Variants in OPN3 observed in about 807,000 individuals in gnomAD.
OPN3 encodes opsin 3.
Under a neutral mutation model 33.8 loss-of-function variants are expected in OPN3, and 29 were observed. That is an observed-to-expected ratio of 0.86 (90% confidence interval 0.64 to 1.17). OPN3 has a LOEUF of 1.17. Ranked by LOEUF, OPN3 falls within the 50% of genes most tolerant of loss-of-function variation. The pLI, the probability that OPN3 is intolerant of heterozygous loss-of-function variation, is 0.00. For missense variants in OPN3, 437 were observed against 514.1 expected (o/e 0.85, Z 1.45); for synonymous variants, 216 against 216.1 (o/e 1.00, Z 0.00).
chr1:241,628,594 A>C (rs1664492427), intron 1 of OPN3, among the ~76,000 whole-genome samples: 1 of 152,206 alleles, frequency 6.6e-6, no homozygotes, highest in South Asian at 2.1e-4. Context: ...TACTTTAATT[A>C]GTATATGACG....
Position 241,640,012 on chromosome 1 carries a change from G to A in OPN3, c.243C>T (p.Val81=). 2 of 1,613,462 alleles carry A rather than the reference G, an allele frequency of 1.2e-6. No individual in the cohort carries two copies. The highest frequency in any genetic ancestry group is 1.7e-6 in the Non-Finnish European group (2 of 1,179,758). ...RLRTPTHLLL[V]NISLSDLLVS... is the part of the protein sequence containing the mutation. Reference sequence around the variant, plus strand: ...CCAGCAGGTCGCTGAGGCTGATGTTGACCAGGAGGAGGTGAGTGGGAGTGC... The same window carrying A: ...CCAGCAGGTCGCTGAGGCTGATGTTAACCAGGAGGAGGTGAGTGGGAGTGC... Residue 81 remains valine (V), a synonymous_variant, in exon 1 of 4, where the codon GTC becomes GTT. Coordinates refer to ENST00000366554, the MANE Select transcript of OPN3 (RefSeq NM_014322.3).
chr1:241,613,705 C>T (rs912600942), intron 1 of OPN3, among the ~76,000 whole-genome samples: 33 of 152,202 alleles, frequency 2.2e-4, no homozygotes, highest in African/African-American at 7.5e-4. Flanking sequence ...GCTAGAACAA[C>T]CAAAGTGGTA....
chr1:241,622,804 A>G (rs937362346), intron 1 of OPN3, among the ~76,000 whole-genome samples: 1 of 152,148 alleles, frequency 6.6e-6, no homozygotes, highest in African/African-American at 2.4e-5. Flanking sequence ...CCCTTTAAGG[A>G]GCAAGTAAGT....
intron 1 of OPN3, among the ~76,000 whole-genome samples, chr1:241,620,377 A>G (rs1283001319): frequency 6.6e-6 from 1 of 152,216 alleles, no homozygotes; most frequent in African/African-American, 2.4e-5. Flanking sequence ...CTGAAACCCT[A>G]ACCCTCAGAG....
intron 1 of OPN3, chr1:241,631,046 T>C (rs1664615253): frequency 6.6e-6 from 1 of 152,054 alleles, no homozygotes; most frequent in African/African-American, 2.4e-5. Context: ...TCCTTCATGA[T>C]ACATGGATAG....
rs76943996 is a variant in OPN3 at position 241,623,084 on chromosome 1, A to T, written c.373+16798T>A. Among the ~76,000 whole-genome samples, 900 of 102,906 alleles carry T rather than the reference A, an allele frequency of 8.7e-3. 8 individuals are homozygous for T. Among genetic ancestry groups the T allele is most frequent in the African/African-American group, 0.025 (852 of 34,388 alleles). The allele number at this position is 102,906 out of a possible 152,430, so 67.5% of individuals were successfully genotyped here. ...GTCTATACCTAGAAATCTTAAAAAAACAAAAAACAAAAAACAAAAAAAACA... is the reference window on the plus strand; with the variant it reads ...GTCTATACCTAGAAATCTTAAAAAATCAAAAAACAAAAAACAAAAAAAACA... On this transcript the variant is annotated intron_variant, in intron 1 of 3. Coordinates refer to ENST00000366554, the MANE Select transcript of OPN3 (RefSeq NM_014322.3).
chr1:241,630,773 A>T (rs1366332355), intron 1 of OPN3: 1 of 152,122 alleles, frequency 6.6e-6, no homozygotes, highest in Non-Finnish European at 1.5e-5. Flanking sequence ...AGAAATAATT[A>T]AATCAAGGGT....
chr1:241,621,390 A>G (rs1192234934), intron 1 of OPN3, among the ~76,000 whole-genome samples: 1 of 152,090 alleles, frequency 6.6e-6, no homozygotes, highest in Non-Finnish European at 1.5e-5. Context: ...CAGAAAGGAG[A>G]GTTAAGGCTG....
intron 2 of OPN3, among the ~76,000 whole-genome samples, 179 bp downstream of exon 2, chr1:241,604,081 G>A (rs966844475): frequency 3.3e-5 from 5 of 152,054 alleles, no homozygotes; most frequent in Admixed American, 6.6e-5. Context: ...ATGCTATTCC[G>A]CATTGATCTT....
chr1:241,627,526 C>G (rs1355410701), intron 1 of OPN3, among the ~76,000 whole-genome samples: 2 of 152,132 alleles, frequency 1.3e-5, no homozygotes, highest in Non-Finnish European at 2.9e-5. Flanking sequence ...TCCTGAGGAT[C>G]ACATAAGAAA....
At position 241,610,865 on chromosome 1, in the gene OPN3, T is replaced by C. The variant is rs1268200754; in HGVS notation, c.374-6286A>G. Reference sequence around the variant, plus strand: ...GTGACCATGGGAAAATTAATTAACATCCCAGAATCTCAATTTGCTCACCAG... The same window carrying C: ...GTGACCATGGGAAAATTAATTAACACCCCAGAATCTCAATTTGCTCACCAG... On this transcript the variant is annotated intron_variant, in intron 1 of 3. Transcript: ENST00000366554. 5.4e-4 allele frequency among the ~76,000 whole-genome samples: 82 copies of C among 152,310 alleles called. 1 individual carries two copies. The highest frequency in any genetic ancestry group is 8.8e-5 in the Non-Finnish European group (6 of 68,028).
intron 2 of OPN3, among the ~76,000 whole-genome samples, chr1:241,599,110 A>G (rs1663615204): frequency 6.6e-6 from 1 of 152,084 alleles, no homozygotes; most frequent in African/African-American, 2.4e-5. Flanking sequence ...TATATTTAAG[A>G]AATTATATTC....
At chr1:241,604,101 T>C (rs1663754592) in intron 2 of OPN3, among the ~76,000 whole-genome samples, 159 bp downstream of exon 2, 1 of 151,968 alleles carries the variant, frequency 6.6e-6, no homozygotes, top group South Asian at 2.1e-4. Flanking sequence ...TTCCAGAGAG[T>C]GACTCATAGC....
At chr1:241,633,930 G>A in intron 1 of OPN3, 1 of 1,613,874 alleles carries the variant, frequency 6.2e-7, no homozygotes, top group Non-Finnish European at 8.5e-7. Flanking sequence ...ATGTCTTCTG[G>A]ATTTGGAGGT....
At chr1:241,610,154 T>C (rs985276249) in intron 1 of OPN3, among the ~76,000 whole-genome samples, 17 of 152,236 alleles carry the variant, frequency 1.1e-4, no homozygotes, top group African/African-American at 2.9e-4. Context: ...TGCCTAAGCT[T>C]GCTGCAACGG....
intron 1 of OPN3, among the ~76,000 whole-genome samples, chr1:241,610,457 GA>G (rs1339303708): frequency 6.6e-6 from 1 of 152,224 alleles, no homozygotes; most frequent in African/African-American, 2.4e-5. Flanking sequence ...AAGTTGACAA[GA>G]GTGAGGATAT....
chr1:241,629,078 T>C (rs1252666063), intron 1 of OPN3: 1 of 152,634 alleles, frequency 6.6e-6, no homozygotes, highest in African/African-American at 2.4e-5. Flanking sequence ...ATCAATATTA[T>C]TGAATGGCTA....
chr1:241,628,760 G>C (rs1664498672), intron 1 of OPN3: 1 of 152,000 alleles, frequency 6.6e-6, no homozygotes, highest in Non-Finnish European at 1.5e-5. Context: ...ATCTGAAGAT[G>C]ATCTTTTTTG....
At chr1:241,602,924 T>A (rs1049142947) in intron 2 of OPN3, among the ~76,000 whole-genome samples, 5 of 152,286 alleles carry the variant, frequency 3.3e-5, no homozygotes, top group Non-Finnish European at 7.4e-5. Context: ...GCTTAGTGAG[T>A]GACATTGTGG....
Sources: allele counts gnomAD v4.1 joint callset (sites outside exome capture counted in the v4.1 genomes callset), GRCh38; gene constraint gnomAD v4.1.1; transcripts MANE v1.5; gene names NCBI Gene and HGNC (gene_info 2026-07-23, HGNC 2026-07-21).